The following ANKRD44 variants were observed in gnomAD, a reference collection of about 807,000 sequenced individuals.
ANKRD44 encodes the protein serine/threonine-protein phosphatase 6 regulatory ankyrin repeat subunit B.
A neutral mutation model predicts 116.0 loss-of-function variants in ANKRD44; 35 were observed. The observed-to-expected ratio is 0.30, with a 90% CI of 0.23 to 0.40. ANKRD44 has a LOEUF of 0.40. Among genes scored for constraint, ANKRD44 ranks in the 10% least tolerant of loss-of-function variants. ANKRD44 has a pLI of 1.00. For synonymous variants in ANKRD44, 435 were observed against 461.8 expected (o/e 0.94, Z 0.74); for missense variants, 1,014 against 1,242.6 (o/e 0.82, Z 2.77).
intron 1 of ANKRD44, among the ~76,000 whole-genome samples, chr2:197,284,211 T>C (rs2083341618): frequency 6.6e-6 from 1 of 152,146 alleles, no homozygotes; most frequent in African/African-American, 2.4e-5. Context: ...GCAAAGAACA[T>C]TGAAGAACTG....
chr2:197,171,985 C>CCGT (rs1232309100), intron 2 of ANKRD44, among the ~76,000 whole-genome samples: 2 of 141,420 alleles, frequency 1.4e-5, no homozygotes, highest in East Asian at 4.4e-4. Flanking sequence ...ATTACCATGT[C>CCGT]CGTTATTTTT....
chr2:197,283,893 T>C (rs1428267303), intron 1 of ANKRD44, among the ~76,000 whole-genome samples: 2 of 152,212 alleles, frequency 1.3e-5, no homozygotes, highest in African/African-American at 2.4e-5. Flanking sequence ...TGGAAGGCTT[T>C]CTAACACTGC....
intron 1 of ANKRD44, among the ~76,000 whole-genome samples, chr2:197,309,690 C>T (rs2084183644): frequency 6.6e-6 from 1 of 152,138 alleles, no homozygotes; most frequent in African/African-American, 2.4e-5. Flanking sequence ...GGGTAGCAAG[C>T]CGTTTCCTTT....
chr2:196,990,382 G>A, intron 27 of ANKRD44: 3 of 1,051,446 alleles, frequency 2.9e-6, no homozygotes, highest in Non-Finnish European at 3.4e-6. Flanking sequence ...CCTCTCTGCT[G>A]CATTATCCCC....
chr2:197,176,709 T>C (rs2080372141), intron 2 of ANKRD44, among the ~76,000 whole-genome samples: 1 of 152,080 alleles, frequency 6.6e-6, no homozygotes, highest in Non-Finnish European at 1.5e-5. Flanking sequence ...GCAGAAAGAC[T>C]TTAGAAAGTA....
At chr2:197,061,554 G>A (rs73049686) in intron 16 of ANKRD44, among the ~76,000 whole-genome samples, 1,537 of 152,290 alleles carry the variant, frequency 0.01, 31 homozygotes, top group African/African-American at 0.035. Context: ...TGAGAAGTGC[G>A]TAGAGCTCAT....
chr2:197,298,911 T>A (rs1340118650), intron 1 of ANKRD44, among the ~76,000 whole-genome samples: 1 of 147,562 alleles, frequency 6.8e-6, no homozygotes, highest in South Asian at 2.1e-4. Flanking sequence ...AGTGAGATCC[T>A]GTTTCAAAAA....
intron 2 of ANKRD44, among the ~76,000 whole-genome samples, chr2:197,185,398 G>A (rs1292105228): frequency 1.3e-5 from 2 of 152,198 alleles, no homozygotes; most frequent in African/African-American, 2.4e-5. Context: ...GCATTCAGCC[G>A]ACCAGACAGA....
chr2:197,026,735 G>T (rs1031933273), intron 16 of ANKRD44, among the ~76,000 whole-genome samples: 1 of 152,182 alleles, frequency 6.6e-6, no homozygotes, highest in Non-Finnish European at 1.5e-5. Flanking sequence ...GGAGACAAAG[G>T]TGGGAGCACA....
intron 8 of ANKRD44, among the ~76,000 whole-genome samples, chr2:197,118,483 G>A (rs1177380610): frequency 4.6e-5 from 7 of 151,848 alleles, no homozygotes; most frequent in African/African-American, 7.3e-5. Context: ...CCAGCTTCTC[G>A]GGAGGCTGAG....
chr2:197,289,074 T>C (rs1273683992), intron 1 of ANKRD44, among the ~76,000 whole-genome samples: 4 of 152,180 alleles, frequency 2.6e-5, no homozygotes, highest in Non-Finnish European at 4.4e-5. Flanking sequence ...TACCAACGTA[T>C]AGAAATGATA....
At chr2:197,046,385 C>A (rs2077001431) in intron 16 of ANKRD44, among the ~76,000 whole-genome samples, 1 of 152,030 alleles carries the variant, frequency 6.6e-6, no homozygotes, top group South Asian at 2.1e-4. Context: ...TAATTTAAAT[C>A]AAATTTTAGG....
At chr2:197,146,484 T>C (rs2125428665) in intron 3 of ANKRD44, among the ~76,000 whole-genome samples, 1 of 152,246 alleles carries the variant, frequency 6.6e-6, no homozygotes, top group South Asian at 2.1e-4. Flanking sequence ...CATATATATA[T>C]GGCATATATA....
intron 1 of ANKRD44, among the ~76,000 whole-genome samples, chr2:197,286,457 C>G (rs1387541311): frequency 6.6e-6 from 1 of 151,730 alleles, no homozygotes; most frequent in Non-Finnish European, 1.5e-5. Context: ...TCACTGCAGC[C>G]TCAATCTCCT....
At chr2:197,143,517 A>G (rs1435945012) in intron 3 of ANKRD44, among the ~76,000 whole-genome samples, 1 of 151,974 alleles carries the variant, frequency 6.6e-6, no homozygotes, top group East Asian at 1.9e-4. Flanking sequence ...ATGTCCCTAC[A>G]AAGGACATGA....
chr2:197,187,148 C>T (rs2080697590), intron 1 of ANKRD44, 42 bp from the exon 2 acceptor site: 4 of 1,549,040 alleles, frequency 2.6e-6, no homozygotes, highest in Admixed American at 1.7e-5. Context: ...AAAATTAATA[C>T]ATCTGATCAC....
downstream of ANKRD44, among the ~76,000 whole-genome samples, chr2:196,984,053 G>A (rs1020755654): frequency 5.3e-5 from 8 of 152,162 alleles, no homozygotes; most frequent in South Asian, 2.1e-4. Context: ...GTAAGTTCTC[G>A]TTCTGAGGGC....
chr2:196,979,007 C>T (rs1312872846), intron 21 of ANKRD44, among the ~76,000 whole-genome samples: 1 of 151,970 alleles, frequency 6.6e-6, no homozygotes, highest in Non-Finnish European at 1.5e-5. Context: ...TCTGGAGCCA[C>T]TTGACTAGAT....
intron 1 of ANKRD44, chr2:197,302,513 C>T (rs2083941688): frequency 1.3e-5 from 2 of 152,228 alleles, no homozygotes; most frequent in Non-Finnish European, 2.9e-5. Flanking sequence ...TATTCTCTTT[C>T]CCAAACTCCA....
Sources: gnomAD v4.1 joint callset for allele counts (sites outside exome capture counted in the v4.1 genomes callset) on GRCh38, gnomAD v4.1.1 for gene constraint, MANE v1.5 for transcripts, NCBI Gene and HGNC (gene_info 2026-07-23, HGNC 2026-07-21) for gene names.